The following CTNNA2 variants were observed in gnomAD, a reference collection of about 807,000 sequenced individuals.
CTNNA2 encodes catenin alpha-2.
Under a neutral mutation model 101.0 loss-of-function variants are expected in CTNNA2, and 42 were observed. The ratio of observed to expected loss-of-function variants is 0.42; its 90% confidence interval spans 0.32 to 0.54. The LOEUF is 0.54. Among genes scored for constraint, CTNNA2 ranks in the 20% least tolerant of loss-of-function variants. The probability of loss-of-function intolerance (pLI) is 0.14; values close to 1 mark genes in which losing one functional copy is unlikely to be tolerated. For missense variants in CTNNA2, 871 were observed against 1,223.1 expected (o/e 0.71, Z 4.29); for synonymous variants, 450 against 456.4 (o/e 0.99, Z 0.18).
chr2:79,279,832 C>T (rs1014068267), intron 2 of CTNNA2, among the ~76,000 whole-genome samples: 2 of 151,988 alleles, frequency 1.3e-5, no homozygotes, highest in African/African-American at 4.8e-5. Flanking sequence ...CTAGGATATT[C>T]TGTTTTGTTC....
At chr2:80,520,763 C>A (rs1689477780) in intron 9 of CTNNA2, among the ~76,000 whole-genome samples, 1 of 152,208 alleles carries the variant, frequency 6.6e-6, no homozygotes, top group African/African-American at 2.4e-5. Context: ...GGGTATTGTA[C>A]TGAGAGACTC....
chr2:79,500,730 C>G (rs555607031), intron 4 of CTNNA2: 2 of 152,442 alleles, frequency 1.3e-5, no homozygotes, highest in Non-Finnish European at 2.9e-5. Context: ...GTTCTTTTCT[C>G]TTGCTCTTCT....
chr2:79,319,596 A>G (rs2104407734), intron 3 of CTNNA2: 1 of 152,226 alleles, frequency 6.6e-6, no homozygotes, highest in African/African-American at 2.4e-5. Context: ...GCCTTTATAT[A>G]TTAGGGAAGT....
rs1440696635 is a variant in CTNNA2 at position 80,521,817 on chromosome 2, C to T, written c.1291-23165C>T. On this transcript the variant is annotated intron_variant, in intron 9 of 18. Transcript: ENST00000402739. Reference sequence around the variant, plus strand: ...AAATGTAAGATAAATTTTGTGATGTCTGAAGCCATTAAAGTTGTAATTTTT... The same window carrying T: ...AAATGTAAGATAAATTTTGTGATGTTTGAAGCCATTAAAGTTGTAATTTTT... Among the ~76,000 whole-genome samples, 3 of 152,268 alleles carry T rather than the reference C, an allele frequency of 2.0e-5. No homozygotes were observed. In the East Asian group the frequency reaches 5.8e-4, roughly 29 times the overall value.
intron 7 of CTNNA2, among the ~76,000 whole-genome samples, chr2:80,092,119 C>T (rs534827552): frequency 4.2e-4 from 64 of 152,186 alleles, no homozygotes; most frequent in Admixed American, 1.8e-3. Context: ...ACTGCCTCCA[C>T]GTTTGCTGGG....
intron 2 of CTNNA2, among the ~76,000 whole-genome samples, chr2:79,714,103 A>G (rs1341932145): frequency 6.6e-6 from 1 of 152,058 alleles, no homozygotes; most frequent in Non-Finnish European, 1.5e-5. Context: ...ACTCTAGCAT[A>G]CAGCCTTGCC....
chr2:80,171,022 G>A (rs571222004), intron 7 of CTNNA2, among the ~76,000 whole-genome samples: 12 of 152,190 alleles, frequency 7.9e-5, no homozygotes, highest in Non-Finnish European at 1.6e-4. Flanking sequence ...TTGTTGATTA[G>A]CAGAAGACCT....
intron 3 of CTNNA2, among the ~76,000 whole-genome samples, chr2:79,777,740 A>G (rs534839385): frequency 5.1e-4 from 77 of 152,288 alleles, no homozygotes; most frequent in African/African-American, 1.7e-3. Context: ...TTCTCCATTT[A>G]GAGGAAAAAT....
At chr2:80,274,081 A>T (rs1673707947) in intron 7 of CTNNA2, among the ~76,000 whole-genome samples, 1 of 152,200 alleles carries the variant, frequency 6.6e-6, no homozygotes, top group Non-Finnish European at 1.5e-5. Flanking sequence ...TTAGACACTT[A>T]TTTGGAAATA....
At chr2:80,041,585 T>G (rs1267403182) in intron 7 of CTNNA2, among the ~76,000 whole-genome samples, 6 of 152,192 alleles carry the variant, frequency 3.9e-5, no homozygotes, top group Non-Finnish European at 8.8e-5. Flanking sequence ...TTGCTGTTAA[T>G]TAAGTGACTT....
intron 1 of CTNNA2, among the ~76,000 whole-genome samples, chr2:79,529,989 G>A (rs1220083129): frequency 6.6e-6 from 1 of 152,012 alleles, no homozygotes; most frequent in African/African-American, 2.4e-5. Flanking sequence ...AGCCACTGGA[G>A]CTCTGCTGGT....
intron 9 of CTNNA2, among the ~76,000 whole-genome samples, chr2:80,535,618 T>C (rs2149604470): frequency 6.6e-6 from 1 of 152,222 alleles, no homozygotes; most frequent in Non-Finnish European, 1.5e-5. Flanking sequence ...AATTAAACTA[T>C]ATAGAATGAC....
intron 7 of CTNNA2, among the ~76,000 whole-genome samples, chr2:80,126,764 T>C (rs1702158546): frequency 6.6e-6 from 1 of 152,046 alleles, no homozygotes; most frequent in Admixed American, 6.6e-5. Context: ...CCTCAGGGCT[T>C]GATTAAATCA....
intron 1 of CTNNA2, among the ~76,000 whole-genome samples, chr2:79,576,409 A>T (rs918119006): frequency 6.6e-6 from 1 of 152,166 alleles, no homozygotes; most frequent in African/African-American, 2.4e-5. Context: ...CTAAATATCT[A>T]TTCTTTTTAA....
At chr2:80,149,378 G>A (rs909516254) in intron 7 of CTNNA2, among the ~76,000 whole-genome samples, 1 of 152,076 alleles carries the variant, frequency 6.6e-6, no homozygotes, top group Non-Finnish European at 1.5e-5. Flanking sequence ...TCTAGAAAAT[G>A]TACTGTTCAC....
intron 4 of CTNNA2, among the ~76,000 whole-genome samples, chr2:79,430,840 G>A (rs1156530390): frequency 1.3e-5 from 2 of 151,332 alleles, no homozygotes; most frequent in Non-Finnish European, 2.9e-5. Context: ...GGCAGAAAAA[G>A]GTATAAAGAA....
intron 7 of CTNNA2, among the ~76,000 whole-genome samples, chr2:80,356,993 T>C (rs543449323): frequency 6.6e-6 from 1 of 152,260 alleles, no homozygotes; most frequent in Admixed American, 6.5e-5. Context: ...CTGGAGAAGG[T>C]AGGAAGGTAG....
chr2:80,180,093 A>G (rs1413900979), intron 7 of CTNNA2, among the ~76,000 whole-genome samples: 2 of 152,182 alleles, frequency 1.3e-5, no homozygotes, highest in Non-Finnish European at 2.9e-5. Flanking sequence ...GAAAGTTCTG[A>G]TCATTTCCCT....
intron 13 of CTNNA2, among the ~76,000 whole-genome samples, chr2:80,575,690 G>T (rs1177594493): frequency 1.3e-5 from 2 of 151,890 alleles, no homozygotes; most frequent in Admixed American, 1.3e-4. Flanking sequence ...TGCTTTGCTG[G>T]CCTTCACATG....
Sources: gnomAD v4.1 joint callset for allele counts (sites outside exome capture counted in the v4.1 genomes callset) on GRCh38, gnomAD v4.1.1 for gene constraint, MANE v1.5 for transcripts, NCBI Gene and HGNC (gene_info 2026-07-23, HGNC 2026-07-21) for gene names.